Variants in MYLIP observed in about 807,000 individuals in gnomAD.
The protein encoded by MYLIP is E3 ubiquitin-protein ligase MYLIP.
In MYLIP, 26 loss-of-function variants were observed where a neutral mutation model predicts 45.8. The ratio of observed to expected loss-of-function variants is 0.57; its 90% CI spans 0.42 to 0.79. MYLIP has a LOEUF of 0.79. Among genes scored for constraint, MYLIP ranks in the 30% least tolerant of loss-of-function variants. MYLIP has a pLI of 0.00. For missense variants in MYLIP, 494 were observed against 555.6 expected (o/e 0.89, Z 1.11); for synonymous variants, 213 against 218.1 (o/e 0.98, Z 0.21).
At chr6:16,153,857 A>C in the MYLIP span, among the ~76,000 whole-genome samples, 2 of 152,246 alleles carry the variant, frequency 1.3e-5, no homozygotes, top group African/African-American at 4.8e-5. Flanking sequence ...ACAAATGTAT[A>C]GCCATGACTT....
intron 6 of MYLIP, among the ~76,000 whole-genome samples, chr6:16,145,536 G>C (rs1581609270): frequency 6.6e-6 from 1 of 152,286 alleles, no homozygotes; most frequent in East Asian, 1.9e-4. Flanking sequence ...AAATTATGCA[G>C]TGTTTTCAAG....
intron 3 of MYLIP, among the ~76,000 whole-genome samples, chr6:16,142,111 A>G (rs1316724568): frequency 6.6e-6 from 1 of 152,250 alleles, no homozygotes; most frequent in Non-Finnish European, 1.5e-5. Context: ...TGAACATGGC[A>G]GCATCAGGGC....
At position 16,129,821 on chromosome 6, in the gene MYLIP, C is replaced by A. The variant is rs368335606; in HGVS notation, c.87+412C>A. 6.6e-6 allele frequency among the ~76,000 whole-genome samples: 1 copy of A among 152,232 alleles called. No homozygotes were observed. Among genetic ancestry groups the A allele is most frequent in the African/African-American group, 2.4e-5 (1 of 41,472 alleles). ...CAGGATGGGATGGAGTGGCTCGAAG[C>A]AGTCTCGGGCCCCAGGGGTTCTTGG... On this transcript the variant is annotated intron_variant, in intron 1 of 6. Transcript: ENST00000356840. This position sits in a 1 kb window ranked among gnomAD's most constrained non-coding sequence, Gnocchi z 5.1.
At chr6:16,149,527 C>T (rs959164676), downstream of MYLIP, among the ~76,000 whole-genome samples, 4 of 152,220 alleles carry the variant, frequency 2.6e-5, no homozygotes, top group African/African-American at 9.7e-5. Flanking sequence ...GGGGCTGGCC[C>T]ACCCGCTGCA....
intron 2 of MYLIP, among the ~76,000 whole-genome samples, chr6:16,132,289 C>T (rs1375798712): frequency 6.6e-6 from 1 of 152,084 alleles, no homozygotes; most frequent in Non-Finnish European, 1.5e-5. Context: ...TGGTCTCTAC[C>T]TGTGCTTTCC....
chr6:16,162,961 G>A, the MYLIP span, among the ~76,000 whole-genome samples: 2 of 152,082 alleles, frequency 1.3e-5, no homozygotes, highest in East Asian at 1.9e-4. Context: ...CTGCTTTTCC[G>A]GCTTTTGGCA....
At chr6:16,160,461 G>A in the MYLIP span, among the ~76,000 whole-genome samples, 2 of 152,122 alleles carry the variant, frequency 1.3e-5, no homozygotes, top group Admixed American at 1.3e-4. Context: ...CTCCTGTCAC[G>A]TATTGGTTTG....
Position 16,129,327 on chromosome 6 carries a change from T to C in MYLIP, c.5T>C (p.Leu2Pro). The C allele has an allele frequency of 6.4e-7, 1 of 1,571,876 alleles. No homozygotes were observed. The highest frequency in any genetic ancestry group is 1.9e-5 in the Admixed American group (1 of 53,680). Residue 2 changes from leucine (L) to proline (P), a missense_variant, in exon 1 of 7, where the codon CTG (leucine) becomes CCG (proline). Coordinates refer to ENST00000356840, the MANE Select transcript of MYLIP (RefSeq NM_013262.4). This position sits in a 1 kb window ranked among gnomAD's most constrained non-coding sequence, Gnocchi z 5.1. M[L>P]CYVTRPDAVL... ...GCGGCAGCGGCAGCCCCAGCCATGC[T>C]GTGTTATGTGACGAGGCCGGACGCG...
chr6:16,152,810 A>G (rs1759893409), downstream of MYLIP, among the ~76,000 whole-genome samples: 1 of 152,170 alleles, frequency 6.6e-6, no homozygotes. Context: ...GGTGAGCCAG[A>G]GCTTGCCAGG....
chr6:16,162,830 ATTATTTTGTAAGTTGTGAAATAAGCAAT>A, the MYLIP span, among the ~76,000 whole-genome samples: 1 of 146,986 alleles, frequency 6.8e-6, no homozygotes, highest in Non-Finnish European at 1.5e-5. Flanking sequence ...ATATTGAATC[ATTATTTTGTAAGTTGTGAAATAAGCAAT>A]TGCAGTTTTC....
the MYLIP span, among the ~76,000 whole-genome samples, chr6:16,153,602 A>G: frequency 6.6e-6 from 1 of 152,228 alleles, no homozygotes; most frequent in Non-Finnish European, 1.5e-5. Flanking sequence ...CATAATAGAC[A>G]TGGGCCAGCT....
At chr6:16,146,463 T>C (rs1220179585) in intron 6 of MYLIP, among the ~76,000 whole-genome samples, 199 bp from the exon 7 acceptor site, 2 of 152,230 alleles carry the variant, frequency 1.3e-5, no homozygotes, top group African/African-American at 4.8e-5. Context: ...TGTCATAGTA[T>C]TTATTTTTAA....
chr6:16,136,904 G>T (rs141302722), intron 2 of MYLIP, among the ~76,000 whole-genome samples: 2 of 152,088 alleles, frequency 1.3e-5, no homozygotes, highest in African/African-American at 2.4e-5. Flanking sequence ...TTTTTGAGTT[G>T]TACAAATTCT....
downstream of MYLIP, among the ~76,000 whole-genome samples, chr6:16,151,676 A>G (rs1249515330): frequency 6.6e-6 from 1 of 152,234 alleles, no homozygotes; most frequent in Admixed American, 6.5e-5. Context: ...CTTGAAATTC[A>G]TTTATTCAAA....
chr6:16,146,527 T>C (rs1056461256), intron 6 of MYLIP, 135 bp from the exon 7 acceptor site: 37 of 673,312 alleles, frequency 5.5e-5, no homozygotes, highest in Non-Finnish European at 7.7e-5. Context: ...TCTCTACCAA[T>C]TGAAAGCTAG....
At chr6:16,134,231 T>C (rs906529672) in intron 2 of MYLIP, among the ~76,000 whole-genome samples, 9 of 152,222 alleles carry the variant, frequency 5.9e-5, no homozygotes, top group African/African-American at 2.2e-4. Context: ...TAAGTGTCTG[T>C]TGCATATTTG....
the MYLIP span, chr6:16,163,544 T>C: frequency 2.0e-5 from 3 of 152,244 alleles, no homozygotes. Context: ...CTCTCCTCTT[T>C]TTCTAGGTTC....
Position 16,145,068 on chromosome 6 carries a change from T to C in MYLIP, c.999T>C (p.Ala333=). ...YDHARRALYN[A]GVVDLVSRNN... ...ATGCCAGGAGGGCTCTGTACAATGC[T>C]GGCGTTGTGGACCTCGTTTCAAGAA... The change falls in exon 6 of 7, where the codon GCT becomes GCC. Residue 333 remains alanine, a synonymous_variant. Coordinates refer to ENST00000356840, the MANE Select transcript of MYLIP (RefSeq NM_013262.4). 6.2e-7 allele frequency: 1 copy of C among 1,614,242 alleles called. No individual in the cohort carries two copies. Among genetic ancestry groups the C allele is most frequent in the South Asian group, 1.1e-5 (1 of 91,086 alleles).
rs867557377 is a variant in MYLIP, at chr6:16,141,020, T to C, written c.279-605T>C. ...TCAGAGAGAAGAAAGTCAAGTGAAA[T>C]AGGACAAAGAGTCCAAAGTCAGTCC... On this transcript the variant is annotated intron_variant, in intron 2 of 6. Coordinates refer to ENST00000356840, the MANE Select transcript of MYLIP (RefSeq NM_013262.4). Among the ~76,000 whole-genome samples the C allele has an allele frequency of 4.6e-5, 7 of 152,104 alleles. No homozygotes were observed. The South Asian group carries it at 1.0e-3, about 22-fold the overall frequency.
Sources: allele counts gnomAD v4.1 joint callset (sites outside exome capture counted in the v4.1 genomes callset), GRCh38; gene constraint gnomAD v4.1.1; non-coding constraint Gnocchi (gnomAD v3.1); transcripts MANE v1.5; gene names NCBI Gene and HGNC (gene_info 2026-07-23, HGNC 2026-07-21).